Variants in SV2C observed in about 807,000 individuals in gnomAD.
SV2C encodes the protein synaptic vesicle glycoprotein 2C.
SV2C carries 49 observed loss-of-function variants against 79.7 expected under a neutral mutation model. That is an observed-to-expected ratio of 0.61 (90% CI 0.49 to 0.78). The LOEUF is 0.78. Among genes scored for constraint, SV2C ranks in the 30% least tolerant of loss-of-function variants. The pLI, the probability that SV2C is intolerant of heterozygous loss-of-function variation, is 0.00. For missense variants in SV2C, 833 were observed against 912.9 expected, an observed-to-expected ratio of 0.91 and a Z score of 1.13; for synonymous variants, 334 against 333.2, an observed-to-expected ratio of 1.00 and a Z score of -0.03.
At chr5:76,134,044 T>C (rs1343568051) in intron 2 of SV2C, among the ~76,000 whole-genome samples, 1 of 152,186 alleles carries the variant, frequency 6.6e-6, no homozygotes, top group Admixed American at 6.5e-5. Context: ...TTTATCTTCC[T>C]GGTGCTGTAT....
the SV2C span, among the ~76,000 whole-genome samples, chr5:75,950,615 G>C: frequency 6.6e-6 from 1 of 151,914 alleles, no homozygotes; most frequent in Non-Finnish European, 1.5e-5. Context: ...ATTGCTTTGA[G>C]AATCCTTATA....
chr5:76,147,700 A>G (rs1749481287), intron 2 of SV2C, among the ~76,000 whole-genome samples: 1 of 152,222 alleles, frequency 6.6e-6, no homozygotes, highest in African/African-American at 2.4e-5. Flanking sequence ...ACTTGCAGTC[A>G]GATAAAATCA....
At chr5:76,057,141 A>G in the SV2C span, among the ~76,000 whole-genome samples, 1 of 152,104 alleles carries the variant, frequency 6.6e-6, no homozygotes, top group East Asian at 1.9e-4. Flanking sequence ...GGTGCTACAA[A>G]TTTCCCTTTT....
the SV2C span, among the ~76,000 whole-genome samples, chr5:75,874,010 A>G: frequency 6.6e-6 from 1 of 152,180 alleles, no homozygotes; most frequent in African/African-American, 2.4e-5. Flanking sequence ...TATTGAAACT[A>G]TTCCAGAAAA....
intron 3 of SV2C, among the ~76,000 whole-genome samples, chr5:76,206,648 A>G (rs1475418781): frequency 6.6e-6 from 1 of 152,226 alleles, no homozygotes; most frequent in African/African-American, 2.4e-5. Context: ...TGGGAAATTC[A>G]GTTCTTTTGC....
chr5:76,121,995 C>T (rs1580283034), intron 1 of SV2C, among the ~76,000 whole-genome samples: 1 of 152,066 alleles, frequency 6.6e-6, no homozygotes, highest in Non-Finnish European at 1.5e-5. Context: ...ATTCTTCCTA[C>T]CCATGAGCAT....
the SV2C span, among the ~76,000 whole-genome samples, chr5:75,900,149 C>T: frequency 2.6e-5 from 4 of 152,250 alleles, no homozygotes; most frequent in Middle Eastern, 6.8e-3. Flanking sequence ...GATGCAGTTC[C>T]TTCCTAGCCT....
At chr5:76,241,391 A>T (rs1222729473) in intron 4 of SV2C, among the ~76,000 whole-genome samples, 1 of 152,122 alleles carries the variant, frequency 6.6e-6, no homozygotes, top group Non-Finnish European at 1.5e-5. Flanking sequence ...CTGAACAGGG[A>T]AAGTTTAGAG....
At chr5:76,080,998 G>A (rs1259837534), upstream of SV2C, among the ~76,000 whole-genome samples, 1 of 152,186 alleles carries the variant, frequency 6.6e-6, no homozygotes, top group Non-Finnish European at 1.5e-5. Context: ...AATGTTTCAT[G>A]TCCTCCAAAG....
At chr5:76,056,894 C>G in the SV2C span, among the ~76,000 whole-genome samples, 3 of 151,356 alleles carry the variant, frequency 2.0e-5, no homozygotes, top group Non-Finnish European at 3.0e-5. Context: ...TGATTCTTCT[C>G]TCTTTATTAG....
At chr5:75,989,646 TC>T in the SV2C span, among the ~76,000 whole-genome samples, 1 of 151,872 alleles carries the variant, frequency 6.6e-6, no homozygotes, top group Admixed American at 6.6e-5. Context: ...TGGGTATATA[TC>T]TAGTAATGGG....
At chr5:76,126,401 C>T (rs914902261) in intron 1 of SV2C, among the ~76,000 whole-genome samples, 1 of 152,104 alleles carries the variant, frequency 6.6e-6, no homozygotes, top group Non-Finnish European at 1.5e-5. Flanking sequence ...TTTGGACAGG[C>T]TGGGATGATG....
chr5:76,196,868 A>G (rs1744285446), intron 3 of SV2C, among the ~76,000 whole-genome samples: 1 of 152,242 alleles, frequency 6.6e-6, no homozygotes, highest in Admixed American at 6.5e-5. Context: ...CTGTAGAGAA[A>G]AAGGTCCACT....
the SV2C span, among the ~76,000 whole-genome samples, chr5:76,031,940 T>G: frequency 6.6e-6 from 1 of 152,208 alleles, no homozygotes; most frequent in African/African-American, 2.4e-5. Context: ...ATATATGGAT[T>G]CCATTCTCAT....
chr5:76,060,108 C>G, the SV2C span, among the ~76,000 whole-genome samples: 1 of 152,122 alleles, frequency 6.6e-6, no homozygotes, highest in South Asian at 2.1e-4. Flanking sequence ...CTCAGGCGTT[C>G]TTATTTCATT....
chr5:75,886,146 G>A, the SV2C span, among the ~76,000 whole-genome samples: 23 of 152,240 alleles, frequency 1.5e-4, no homozygotes, highest in Non-Finnish European at 2.8e-4. Context: ...AAGCAAAGGA[G>A]ATGAGACTCT....
chr5:76,278,593 C>T (rs1053288964), intron 4 of SV2C, among the ~76,000 whole-genome samples: 3 of 152,200 alleles, frequency 2.0e-5, no homozygotes, highest in South Asian at 2.1e-4. Context: ...CTTTCTCATG[C>T]GTGGCTGGGC....
At chr5:76,044,600 A>T in the SV2C span, among the ~76,000 whole-genome samples, 1 of 152,192 alleles carries the variant, frequency 6.6e-6, no homozygotes, top group Non-Finnish European at 1.5e-5. Context: ...AATGATTGCC[A>T]TTCTAACTGA....
chr5:76,136,984 G>A (rs993150107), intron 2 of SV2C, among the ~76,000 whole-genome samples: 10 of 152,184 alleles, frequency 6.6e-5, no homozygotes, highest in African/African-American at 1.9e-4. Context: ...GCTGCCTCTG[G>A]CAGCAGTGTG....
Sources: gnomAD v4.1 joint callset for allele counts (sites outside exome capture counted in the v4.1 genomes callset) on GRCh38, gnomAD v4.1.1 for gene constraint, MANE v1.5 for transcripts, NCBI Gene and HGNC (gene_info 2026-07-23, HGNC 2026-07-21) for gene names.